Variants in KALRN observed in about 807,000 individuals in gnomAD.
KALRN encodes kalirin.
A neutral mutation model predicts 353.7 loss-of-function variants in KALRN; 70 were observed. That is an observed-to-expected ratio of 0.20 (90% CI 0.16 to 0.24). The LOEUF is 0.24. Ranked by LOEUF, KALRN falls within the 10% of genes least tolerant of loss-of-function variation. The pLI, the probability that KALRN is intolerant of heterozygous loss-of-function variation, is 1.00. For missense variants in KALRN, 2,791 were observed against 3,756.7 expected, an observed-to-expected ratio of 0.74 and a Z score of 6.72; for synonymous variants, 1,391 against 1,434.8, an observed-to-expected ratio of 0.97 and a Z score of 0.69.
At chr3:124,675,980 G>A (rs1458999393) in intron 49 of KALRN, among the ~76,000 whole-genome samples, 1 of 152,106 alleles carries the variant, frequency 6.6e-6, no homozygotes, top group Non-Finnish European at 1.5e-5. Flanking sequence ...TGGCCCCTAA[G>A]GCACAATAGC....
chr3:124,695,357 T>G (rs2062004413), intron 53 of KALRN, among the ~76,000 whole-genome samples: 1 of 152,190 alleles, frequency 6.6e-6, no homozygotes, highest in Non-Finnish European at 1.5e-5. Context: ...TCAAGAAACT[T>G]TCATTCATTG....
intron 38 of KALRN, among the ~76,000 whole-genome samples, chr3:124,652,819 C>T (rs1024782419): frequency 2.6e-5 from 4 of 152,140 alleles, no homozygotes; most frequent in Middle Eastern, 3.2e-3. Flanking sequence ...CCTCGTGATC[C>T]GCCAGCCTCA....
chr3:124,651,835 G>T (rs1475908878), intron 38 of KALRN, among the ~76,000 whole-genome samples: 1 of 151,858 alleles, frequency 6.6e-6, no homozygotes, highest in East Asian at 1.9e-4. Flanking sequence ...ATGGAGTCTT[G>T]CTTGGTTGCC....
chr3:124,272,666 G>A (rs1487063185), intron 5 of KALRN, among the ~76,000 whole-genome samples: 4 of 152,144 alleles, frequency 2.6e-5, no homozygotes, highest in Admixed American at 6.5e-5. Flanking sequence ...GACGAGGGCA[G>A]CCCAGGAATA....
chr3:124,331,699 T>C (rs909355587), intron 8 of KALRN, among the ~76,000 whole-genome samples: 4 of 152,192 alleles, frequency 2.6e-5, no homozygotes, highest in African/African-American at 9.7e-5. Context: ...AAAATACAAA[T>C]ATAGAGAGTA....
chr3:124,512,038 A>G (rs1342641594), intron 33 of KALRN, among the ~76,000 whole-genome samples: 3 of 152,244 alleles, frequency 2.0e-5, no homozygotes, highest in Non-Finnish European at 4.4e-5. Flanking sequence ...CTTTTCACAG[A>G]AAGAGCACAA....
chr3:124,317,391 T>C (rs2078907322), intron 6 of KALRN, among the ~76,000 whole-genome samples: 2 of 152,346 alleles, frequency 1.3e-5, no homozygotes, highest in South Asian at 4.1e-4. Context: ...TAGGGGATAA[T>C]GACAGTGACT....
At chr3:124,631,135 T>G (rs2080737627) in intron 34 of KALRN, among the ~76,000 whole-genome samples, 1 of 152,214 alleles carries the variant, frequency 6.6e-6, no homozygotes, top group African/African-American at 2.4e-5. Flanking sequence ...CCCACCCTCC[T>G]GGTTTTACTC....
At chr3:124,321,554 G>A (rs756767022) in intron 6 of KALRN, among the ~76,000 whole-genome samples, 25 of 152,206 alleles carry the variant, frequency 1.6e-4, no homozygotes, top group Non-Finnish European at 2.6e-4. Flanking sequence ...AGTTCTTTCA[G>A]GACAATGACT....
At chr3:124,281,645 T>C (rs2075356329) in intron 5 of KALRN, among the ~76,000 whole-genome samples, 1 of 152,210 alleles carries the variant, frequency 6.6e-6, no homozygotes, top group African/African-American at 2.4e-5. Context: ...TTGGAGGTGC[T>C]CTTTCTCCCT....
At chr3:124,111,150 C>A (rs1166619163) in intron 1 of KALRN, among the ~76,000 whole-genome samples, 1 of 152,154 alleles carries the variant, frequency 6.6e-6, no homozygotes, top group Non-Finnish European at 1.5e-5. Context: ...AATCACCCAG[C>A]CTGCCACTAC....
intron 1 of KALRN, among the ~76,000 whole-genome samples, chr3:124,188,347 A>G (rs1007533060): frequency 1.3e-5 from 2 of 152,198 alleles, no homozygotes; most frequent in Non-Finnish European, 2.9e-5. Flanking sequence ...ACAGCAAGAA[A>G]ATAGTCATGA....
At chr3:124,233,757 G>C (rs927306552) in intron 2 of KALRN, among the ~76,000 whole-genome samples, 57 of 152,070 alleles carry the variant, frequency 3.7e-4, no homozygotes, top group African/African-American at 1.2e-3. Context: ...GGTGAGGTTC[G>C]CACCTCTCCA....
At position 124,694,381 on chromosome 3, in the gene KALRN, G is replaced by C; in HGVS notation, c.7455G>C (p.Gly2485=). ...TGGTGGATGTGACCTGCTTGCTTGG[G>C]GACACAGTGATACTGCAGTGCAAAG... is the stretch of plus-strand genomic sequence containing the variant. ...VPLVDVTCLL[G]DTVILQCKVC... is the part of the protein sequence containing the mutation. The change falls in exon 53 of 60, where the codon GGG becomes GGC. Residue 2485 remains glycine, a synonymous_variant. Coordinates refer to ENST00000682506, the MANE Select transcript of KALRN (RefSeq NM_001388419.1). The C allele has an allele frequency of 6.2e-7, 1 of 1,614,170 alleles. No individual in the cohort carries two copies. Among genetic ancestry groups the C allele is most frequent in the Non-Finnish European group, 8.5e-7 (1 of 1,180,020 alleles).
At chr3:124,424,374 C>CA (rs1327186901) in intron 15 of KALRN, among the ~76,000 whole-genome samples, 1 of 152,046 alleles carries the variant, frequency 6.6e-6, no homozygotes, top group African/African-American at 2.4e-5. Context: ...GTATGAGAGC[C>CA]AAAAACATCT....
chr3:124,425,666 A>G (rs980226890), intron 15 of KALRN, among the ~76,000 whole-genome samples: 3 of 152,358 alleles, frequency 2.0e-5, no homozygotes, highest in Non-Finnish European at 2.9e-5. Context: ...AATGAAATAT[A>G]TAAATTTGCT....
At chr3:124,497,701 G>A (rs1025022335) in intron 33 of KALRN, among the ~76,000 whole-genome samples, 2 of 152,128 alleles carry the variant, frequency 1.3e-5, no homozygotes, top group Non-Finnish European at 2.9e-5. Flanking sequence ...TGTCTCCTCT[G>A]ACCTGTTGTC....
At chr3:124,395,105 C>T (rs1244471582) in intron 11 of KALRN, 30 bp from the exon 12 acceptor site, 1 of 1,586,460 alleles carries the variant, frequency 6.3e-7, no homozygotes, top group East Asian at 2.3e-5. Context: ...CCCATCTTCC[C>T]TGAGTGGAAT....
In KALRN at chr3:124,269,100, G is replaced by T; in HGVS notation, c.814G>T (p.Gly272Cys). The T allele has an allele frequency of 6.2e-7, 1 of 1,612,946 alleles. No homozygotes were observed. The change falls in exon 5 of 60, where the codon GGC becomes TGC. Residue 272 changes from glycine to cysteine, a missense_variant. By Grantham distance (159) the Gly-to-Cys change is radical. This residue lies in a region of KALRN where 366 missense variants were observed against 489.2 expected (regional missense o/e 0.75). Transcript: ENST00000682506. ...CTTCTCAGGACGCAACTGCATCCCG[G>T]GCAGTGCTGACTTCCAGAGCCTGGT... ...DGFSGRNCIP[G>C]SADFQSLVPK...
Sources: allele counts gnomAD v4.1 joint callset (sites outside exome capture counted in the v4.1 genomes callset), GRCh38; gene constraint gnomAD v4.1.1; regional missense constraint gnomAD v4.1.1; transcripts MANE v1.5; gene names NCBI Gene and HGNC (gene_info 2026-07-23, HGNC 2026-07-21).